Variants in NXPE2 observed in about 807,000 individuals in gnomAD.
NXPE2 encodes the protein neurexophilin and PC-esterase domain family member 2, also known as NXPE family member 2.
NXPE2 carries 34 observed loss-of-function variants against 34.4 expected under a neutral mutation model. That is an observed-to-expected ratio of 0.99 (90% CI 0.75 to 1.31). The LOEUF (loss-of-function observed/expected upper bound fraction) is 1.31, where lower values mean the gene tolerates loss of function less well. Ranked by LOEUF, NXPE2 falls within the 40% of genes most tolerant of loss-of-function variation. The probability of loss-of-function intolerance (pLI) is 0.00; values close to 1 mark genes in which losing one functional copy is unlikely to be tolerated. For synonymous variants in NXPE2, 235 were observed against 231.3 expected (o/e 1.02, Z -0.15); for missense variants, 649 against 672.5 (o/e 0.97, Z 0.39).
In NXPE2 at chr11:114,678,615, C is replaced by A; in HGVS notation, c.26+14C>A. 1 of 1,544,676 alleles carries A rather than the reference C, an allele frequency of 6.5e-7. No individual in the cohort carries two copies. Among genetic ancestry groups the A allele is most frequent in the Non-Finnish European group, 8.8e-7 (1 of 1,140,768 alleles). On this transcript the variant is annotated intron_variant, in intron 1 of 5. Transcript: ENST00000389586. ...ACTCATCCATAGGTGTGGTACTTTC[C>A]AACTCTTACTGCCAAGCTAACGTCA...
At chr11:114,558,632 A>G in the NXPE2 span, among the ~76,000 whole-genome samples, 1 of 152,202 alleles carries the variant, frequency 6.6e-6, no homozygotes, top group African/African-American at 2.4e-5. Context: ...TTACATTCGT[A>G]TATTTTCTAA....
chr11:114,547,608 G>A, the NXPE2 span, among the ~76,000 whole-genome samples: 1 of 152,260 alleles, frequency 6.6e-6, no homozygotes, highest in South Asian at 2.1e-4. Context: ...GCTGGTTCAT[G>A]TTTGTCATCC....
the NXPE2 span, among the ~76,000 whole-genome samples, chr11:114,660,008 A>G: frequency 6.6e-6 from 1 of 152,260 alleles, no homozygotes; most frequent in African/African-American, 2.4e-5. Context: ...ATAAGGGAAT[A>G]CTAAAGAATC....
the NXPE2 span, among the ~76,000 whole-genome samples, chr11:114,773,722 C>T: frequency 6.6e-6 from 1 of 152,136 alleles, no homozygotes; most frequent in Non-Finnish European, 1.5e-5. Flanking sequence ...AGATTGCCTT[C>T]CCCAGTGGGG....
At chr11:114,736,216 G>A in the NXPE2 span, among the ~76,000 whole-genome samples, 1 of 152,188 alleles carries the variant, frequency 6.6e-6, no homozygotes, top group Admixed American at 6.5e-5. Flanking sequence ...AGGAGACAGG[G>A]TTTGAGAGCA....
intron 5 of NXPE2, 149 bp from the exon 6 acceptor site, chr11:114,706,246 G>GT (rs1261727059): frequency 6.6e-6 from 4 of 604,110 alleles, no homozygotes; most frequent in Admixed American, 7.0e-5. Context: ...TGTTAAGATT[G>GT]TAATGCACCT....
At chr11:114,686,725 A>G (rs1951054607) in intron 2 of NXPE2, among the ~76,000 whole-genome samples, 2 of 152,212 alleles carry the variant, frequency 1.3e-5, no homozygotes, top group Admixed American at 1.3e-4. Flanking sequence ...ACTAATTTAC[A>G]GTCCCACCAA....
the NXPE2 span, among the ~76,000 whole-genome samples, chr11:114,809,636 A>T: frequency 8.0e-5 from 1 of 12,548 alleles, no homozygotes; most frequent in East Asian, 0.016. Context: ...CTTACAAGGG[A>T]CATGAAGGAC....
chr11:114,562,278 C>T, the NXPE2 span, among the ~76,000 whole-genome samples: 1 of 152,160 alleles, frequency 6.6e-6, no homozygotes, highest in South Asian at 2.1e-4. Flanking sequence ...AGAAATATTT[C>T]CTGGTGCTGA....
chr11:114,706,177 T>C (rs1446327872), intron 5 of NXPE2, among the ~76,000 whole-genome samples, 181 bp downstream of exon 5: 3 of 152,060 alleles, frequency 2.0e-5, no homozygotes, highest in Non-Finnish European at 4.4e-5. Flanking sequence ...TATCTTTTCA[T>C]TCACAAATGT....
the NXPE2 span, among the ~76,000 whole-genome samples, chr11:114,766,759 C>T: frequency 6.6e-6 from 1 of 152,242 alleles, no homozygotes; most frequent in Admixed American, 6.5e-5. Context: ...GAGTCAGTCT[C>T]AAACAGTCTG....
chr11:114,527,902 C>T, the NXPE2 span: 1 of 1,541,150 alleles, frequency 6.5e-7, no homozygotes. Flanking sequence ...CACTTTGGAC[C>T]TTCAAAAAAA....
chr11:114,721,394 A>G, the NXPE2 span, among the ~76,000 whole-genome samples: 8 of 152,074 alleles, frequency 5.3e-5, no homozygotes, highest in African/African-American at 1.4e-4. Context: ...TCTCTGCCTG[A>G]TCATCCGTGT....
the NXPE2 span, among the ~76,000 whole-genome samples, chr11:114,589,966 A>G: frequency 6.6e-6 from 1 of 152,226 alleles, no homozygotes; most frequent in South Asian, 2.1e-4. Flanking sequence ...TAAATGGTTT[A>G]CAGTCTTAGA....
At chr11:114,644,839 G>T in the NXPE2 span, among the ~76,000 whole-genome samples, 1 of 151,720 alleles carries the variant, frequency 6.6e-6, no homozygotes, top group Non-Finnish European at 1.5e-5. Context: ...AAAAAAAACT[G>T]TAATTAAGAC....
the NXPE2 span, among the ~76,000 whole-genome samples, chr11:114,742,874 C>A: frequency 6.6e-6 from 1 of 152,038 alleles, no homozygotes; most frequent in Non-Finnish European, 1.5e-5. Flanking sequence ...TGGGTTTGAC[C>A]AATTCCAACA....
the NXPE2 span, among the ~76,000 whole-genome samples, chr11:114,631,512 G>T: frequency 7.7e-6 from 1 of 129,378 alleles, no homozygotes; most frequent in South Asian, 2.9e-4. Context: ...ATAACACTCT[G>T]GGGACTGTTG....
the NXPE2 span, among the ~76,000 whole-genome samples, chr11:114,780,468 G>A: frequency 6.6e-6 from 1 of 152,350 alleles, no homozygotes; most frequent in East Asian, 1.9e-4. Flanking sequence ...TAGGAAGGTC[G>A]TGGGGTTTTC....
chr11:114,718,258 CTT>C, the NXPE2 span, among the ~76,000 whole-genome samples: 1 of 152,134 alleles, frequency 6.6e-6, no homozygotes, highest in South Asian at 2.1e-4. Context: ...GGTTTCATAA[CTT>C]GTAAAATGAA....
Sources: allele counts gnomAD v4.1 joint callset (sites outside exome capture counted in the v4.1 genomes callset), GRCh38; gene constraint gnomAD v4.1.1; transcripts MANE v1.5; gene names NCBI Gene and HGNC (gene_info 2026-07-23, HGNC 2026-07-21).